The following NEK11 variants were observed in gnomAD, a reference collection of about 807,000 sequenced individuals.
NEK11 encodes the protein NIMA related kinase 11.
NEK11 carries 72 observed loss-of-function variants against 80.7 expected under a neutral mutation model. That is an observed-to-expected ratio of 0.89 (90% CI 0.74 to 1.08). The LOEUF (loss-of-function observed/expected upper bound fraction) is 1.08. NEK11 is among the 50% of genes least tolerant of loss of function. The pLI is 0.00. For synonymous variants in NEK11, 251 were observed against 260.7 expected (o/e 0.96, Z 0.36); for missense variants, 764 against 763.6 (o/e 1.00, Z -0.01).
At chr3:131,124,131 A>G (rs999323068) in intron 5 of NEK11, among the ~76,000 whole-genome samples, 3 of 152,178 alleles carry the variant, frequency 2.0e-5, no homozygotes, top group African/African-American at 7.2e-5. Context: ...GGTAAAAGGG[A>G]CATATGGCAT....
chr3:131,089,155 T>C (rs886536168), intron 4 of NEK11, among the ~76,000 whole-genome samples: 1 of 152,232 alleles, frequency 6.6e-6, no homozygotes, highest in Non-Finnish European at 1.5e-5. Flanking sequence ...TATTATTGCC[T>C]AGCATCATGC....
intron 17 of NEK11, among the ~76,000 whole-genome samples, chr3:131,306,582 C>T (rs993068067): frequency 6.6e-6 from 1 of 152,190 alleles, no homozygotes; most frequent in Non-Finnish European, 1.5e-5. Flanking sequence ...TGGAGTTGGA[C>T]ATTTTCTTTC....
At position 131,168,840 on chromosome 3, in the gene NEK11, A is replaced by G; in HGVS notation, c.1187A>G (p.His396Arg). 1 of 1,613,194 alleles carries G rather than the reference A, an allele frequency of 6.2e-7. No individual in the cohort carries two copies. Among genetic ancestry groups the G allele is most frequent in the Non-Finnish European group, 8.5e-7 (1 of 1,179,298 alleles). Reference sequence around the variant, plus strand: ...TCATAATCTCTTTAGGAAAAAACACATTTAAAAGGAATGGAAGAAAAGGAG... The same window carrying G: ...TCATAATCTCTTTAGGAAAAAACACGTTTAAAAGGAATGGAAGAAAAGGAG... ...LSVDVLHEKTHLKGMEEKEEQ... is the reference protein window; with the variant it reads ...LSVDVLHEKTRLKGMEEKEEQ... The change falls in exon 13 of 18, where the codon CAT becomes CGT. Residue 396 changes from histidine (H) to arginine (R), a missense_variant. By Grantham distance (29) the His-to-Arg change is conservative. Coordinates refer to ENST00000383366, the MANE Select transcript of NEK11 (RefSeq NM_024800.5).
chr3:131,054,706 T>C (rs1212696866), intron 3 of NEK11: 1 of 151,584 alleles, frequency 6.6e-6, no homozygotes, highest in Non-Finnish European at 1.5e-5. Flanking sequence ...GCAGTGAGCC[T>C]AGATTGCGCC....
chr3:131,162,012 G>A (rs528361279), intron 10 of NEK11, among the ~76,000 whole-genome samples: 33 of 152,254 alleles, frequency 2.2e-4, no homozygotes, highest in African/African-American at 7.9e-4. Flanking sequence ...AGGCCACAGA[G>A]CTAATGAGTG....
At chr3:131,337,354 C>T (rs1233212093) in intron 17 of NEK11, among the ~76,000 whole-genome samples, 1 of 151,888 alleles carries the variant, frequency 6.6e-6, no homozygotes, top group Admixed American at 6.6e-5. Flanking sequence ...TCTCAGTAAA[C>T]TATCGCAACG....
intron 17 of NEK11, among the ~76,000 whole-genome samples, chr3:131,315,049 C>T (rs977935487): frequency 1.3e-5 from 2 of 152,092 alleles, no homozygotes; most frequent in Non-Finnish European, 2.9e-5. Flanking sequence ...CCTTGATATA[C>T]ACATACGTAG....
chr3:131,308,759 T>C (rs1408650535), intron 17 of NEK11, among the ~76,000 whole-genome samples: 1 of 152,188 alleles, frequency 6.6e-6, no homozygotes, highest in Non-Finnish European at 1.5e-5. Context: ...ATGATTTCTA[T>C]AACCTGTGCA....
chr3:131,119,618 G>T (rs1415049220), intron 5 of NEK11, among the ~76,000 whole-genome samples: 1 of 152,048 alleles, frequency 6.6e-6, no homozygotes, highest in Non-Finnish European at 1.5e-5. Context: ...TCTCTTTGTA[G>T]GTCTCTAAGG....
chr3:131,144,805 G>T (rs187814482), intron 7 of NEK11, among the ~76,000 whole-genome samples: 2 of 152,100 alleles, frequency 1.3e-5, no homozygotes, highest in Admixed American at 6.6e-5. Context: ...GATAAATGAA[G>T]TCTTCTCTAC....
chr3:131,242,254 A>G (rs1410767191), intron 15 of NEK11, among the ~76,000 whole-genome samples: 3 of 152,138 alleles, frequency 2.0e-5, no homozygotes, highest in African/African-American at 4.8e-5. Flanking sequence ...GCATGTTATT[A>G]TAATGGAGGG....
At chr3:131,185,529 TC>T in intron 14 of NEK11, among the ~76,000 whole-genome samples, 3 of 152,150 alleles carry the variant, frequency 2.0e-5, no homozygotes, top group Admixed American at 2.0e-4. Context: ...TTCCCTACTG[TC>T]CCCCACCAAC....
intron 15 of NEK11, among the ~76,000 whole-genome samples, chr3:131,231,199 CT>C (rs1233214670): frequency 7.9e-6 from 1 of 126,564 alleles, no homozygotes; most frequent in Non-Finnish European, 1.5e-5. Context: ...TTCCTATTTT[CT>C]TTTTTTTCTT....
intron 14 of NEK11, among the ~76,000 whole-genome samples, chr3:131,217,414 C>G (rs1306507417): frequency 6.6e-6 from 1 of 151,956 alleles, no homozygotes; most frequent in Non-Finnish European, 1.5e-5. Context: ...CAGCTGTCAT[C>G]CTGAAGGACA....
chr3:131,041,603 G>A (rs1318245918), intron 3 of NEK11, among the ~76,000 whole-genome samples: 1 of 152,034 alleles, frequency 6.6e-6, no homozygotes, highest in Non-Finnish European at 1.5e-5. Flanking sequence ...ATATGTGTAT[G>A]CATTTTTTAA....
intron 4 of NEK11, among the ~76,000 whole-genome samples, chr3:131,097,537 T>C (rs1371073186): frequency 6.6e-6 from 1 of 152,218 alleles, no homozygotes. Flanking sequence ...TGTCTTCTTT[T>C]GAGAAGTGTC....
intron 4 of NEK11, among the ~76,000 whole-genome samples, chr3:131,104,599 G>T (rs563250635): frequency 6.6e-6 from 1 of 152,218 alleles, no homozygotes; most frequent in African/African-American, 2.4e-5. Context: ...GGCTGTGATT[G>T]GACCTTGCCT....
At chr3:131,058,872 A>G (rs997692833) in intron 3 of NEK11, among the ~76,000 whole-genome samples, 11 of 152,190 alleles carry the variant, frequency 7.2e-5, no homozygotes, top group Non-Finnish European at 1.6e-4. Flanking sequence ...AACTGGCCCA[A>G]ATGGAAGTAA....
intron 3 of NEK11, among the ~76,000 whole-genome samples, chr3:131,058,708 G>A (rs1315323405): frequency 6.6e-6 from 1 of 152,106 alleles, no homozygotes; most frequent in African/African-American, 2.4e-5. Context: ...GTTCCCTTAA[G>A]AGATTCATAA....
Sources: allele counts gnomAD v4.1 joint callset (sites outside exome capture counted in the v4.1 genomes callset), GRCh38; gene constraint gnomAD v4.1.1; transcripts MANE v1.5; gene names NCBI Gene and HGNC (gene_info 2026-07-23, HGNC 2026-07-21).